Variants in AUH observed in about 807,000 individuals in gnomAD.
The protein encoded by AUH is methylglutaconyl-CoA hydratase, mitochondrial.
Under a neutral mutation model 42.3 loss-of-function variants are expected in AUH, and 29 were observed. That is an observed-to-expected ratio of 0.69 (90% CI 0.51 to 0.93). The LOEUF (loss-of-function observed/expected upper bound fraction) is 0.93. Among genes scored for constraint, AUH ranks in the 40% least tolerant of loss-of-function variants. The probability of loss-of-function intolerance (pLI) is 0.00; values close to 1 mark genes in which losing one functional copy is unlikely to be tolerated. For missense variants in AUH, 452 were observed against 438.1 expected, an observed-to-expected ratio of 1.03 and a Z score of -0.28; for synonymous variants, 174 against 166.4, an observed-to-expected ratio of 1.05 and a Z score of -0.35.
chr9:91,310,518 GGTAGAGA>G (rs754236311), intron 4 of AUH, among the ~76,000 whole-genome samples: 1 of 152,162 alleles, frequency 6.6e-6, no homozygotes. Flanking sequence ...AGTACCAGAT[GGTAGAGA>G]GAATCCACAT....
chr9:91,297,127 G>A (rs1319525923), intron 5 of AUH, among the ~76,000 whole-genome samples: 1 of 152,180 alleles, frequency 6.6e-6, no homozygotes, highest in African/African-American at 2.4e-5. Flanking sequence ...AGTCTACGTT[G>A]CTCTCATGAG....
At chr9:91,334,978 G>C (rs1830593402) in intron 3 of AUH, among the ~76,000 whole-genome samples, 1 of 152,190 alleles carries the variant, frequency 6.6e-6, no homozygotes, top group Non-Finnish European at 1.5e-5. Context: ...ATAAAGCGGG[G>C]ATTCTCCTGA....
At chr9:91,332,378 T>C (rs1830392710) in intron 3 of AUH, among the ~76,000 whole-genome samples, 1 of 152,140 alleles carries the variant, frequency 6.6e-6, no homozygotes, top group Non-Finnish European at 1.5e-5. Context: ...GGCGGGTGCC[T>C]GTAATCTCGG....
At chr9:91,249,273 G>A (rs1352659882) in intron 6 of AUH, among the ~76,000 whole-genome samples, 2 of 131,278 alleles carry the variant, frequency 1.5e-5, no homozygotes, top group African/African-American at 6.0e-5. Context: ...CTCTTGCCTG[G>A]GCGACAGAGA....
At chr9:91,290,477 C>G (rs1430950011) in intron 6 of AUH, among the ~76,000 whole-genome samples, 2 of 152,146 alleles carry the variant, frequency 1.3e-5, no homozygotes, top group Non-Finnish European at 2.9e-5. Context: ...GGGAATATGT[C>G]AAAGCATTCT....
chr9:91,331,436 G>C (rs903316070), intron 3 of AUH, among the ~76,000 whole-genome samples: 2 of 152,160 alleles, frequency 1.3e-5, no homozygotes, highest in Non-Finnish European at 2.9e-5. Context: ...TATTTCAAGT[G>C]TATCTAATAA....
chr9:91,325,815 T>C (rs1195262998), intron 3 of AUH, among the ~76,000 whole-genome samples: 1 of 152,220 alleles, frequency 6.6e-6, no homozygotes, highest in African/African-American at 2.4e-5. Context: ...CCTTGCTGCT[T>C]TGCAAGGTGC....
intron 6 of AUH, among the ~76,000 whole-genome samples, chr9:91,236,770 G>A (rs1005466807): frequency 6.6e-6 from 1 of 152,156 alleles, no homozygotes; most frequent in Non-Finnish European, 1.5e-5. Context: ...TATAGATAAT[G>A]CTCATCATGG....
intron 6 of AUH, among the ~76,000 whole-genome samples, chr9:91,242,858 T>C (rs559732470): frequency 2.0e-5 from 3 of 152,348 alleles, no homozygotes; most frequent in Non-Finnish European, 2.9e-5. Context: ...AAATATTTCA[T>C]GTTACCTAGA....
At chr9:91,332,284 T>C (rs902466044) in intron 3 of AUH, among the ~76,000 whole-genome samples, 4 of 152,098 alleles carry the variant, frequency 2.6e-5, no homozygotes, top group Non-Finnish European at 5.9e-5. Context: ...GGCAGATCAC[T>C]TGAGGTCAGG....
intron 3 of AUH, among the ~76,000 whole-genome samples, chr9:91,330,464 C>G (rs1830247900): frequency 6.6e-6 from 1 of 152,146 alleles, no homozygotes; most frequent in Admixed American, 6.5e-5. Context: ...AAAGTGCCAA[C>G]AACAGTCAAG....
intron 7 of AUH, among the ~76,000 whole-genome samples, chr9:91,220,539 T>A (rs1321663386): frequency 1.3e-5 from 2 of 152,196 alleles, no homozygotes; most frequent in Non-Finnish European, 2.9e-5. Context: ...TAGGAAGTTG[T>A]GCACATGTGA....
intron 7 of AUH, among the ~76,000 whole-genome samples, chr9:91,220,149 A>C (rs1265844486): frequency 1.3e-5 from 2 of 152,212 alleles, no homozygotes; most frequent in African/African-American, 2.4e-5. Context: ...TGACAAAAAG[A>C]ATTGCTTAAA....
At chr9:91,342,310 T>C (rs1831164552) in intron 3 of AUH, among the ~76,000 whole-genome samples, 3 of 152,120 alleles carry the variant, frequency 2.0e-5, no homozygotes, top group East Asian at 3.9e-4. Flanking sequence ...GCCTCCCTCT[T>C]GTATGAACCC....
chr9:91,314,412 G>A (rs1828982190), intron 4 of AUH, among the ~76,000 whole-genome samples: 2 of 151,234 alleles, frequency 1.3e-5, no homozygotes, highest in African/African-American at 4.9e-5. Context: ...GAGCCCCGGA[G>A]GTCGAGGCTA....
chr9:91,218,559 G>A (rs889353982), intron 7 of AUH: 3 of 945,092 alleles, frequency 3.2e-6, no homozygotes, highest in African/African-American at 3.6e-5. Flanking sequence ...AAGCTGCCAG[G>A]AGATGCCCAG....
chr9:91,233,520 T>C (rs992638329), intron 6 of AUH, among the ~76,000 whole-genome samples: 29 of 152,138 alleles, frequency 1.9e-4, no homozygotes, highest in Admixed American at 1.5e-3. Flanking sequence ...CTAATGAAGA[T>C]TTGAGCTTGT....
At chr9:91,298,122 C>T in intron 4 of AUH, 46 bp from the exon 5 acceptor site, 1 of 1,423,658 alleles carries the variant, frequency 7.0e-7, no homozygotes, top group East Asian at 2.3e-5. Context: ...AGATTATTAT[C>T]TCACTGTGTA....
At chr9:91,218,712 C>T in intron 7 of AUH, 13 of 984,654 alleles carry the variant, frequency 1.3e-5, no homozygotes, top group Non-Finnish European at 1.6e-5. Context: ...TTCTTCTTTA[C>T]AAGCCTTTTT....
Sources: allele counts gnomAD v4.1 joint callset (sites outside exome capture counted in the v4.1 genomes callset), GRCh38; gene constraint gnomAD v4.1.1; transcripts MANE v1.5; gene names NCBI Gene and HGNC (gene_info 2026-07-23, HGNC 2026-07-21).